TEX26: variants seen among roughly 807,000 people sequenced by gnomAD.
TEX26 encodes testis expressed 26, also known as testis-expressed protein 26.
Under a neutral mutation model 35.3 loss-of-function variants are expected in TEX26, and 34 were observed. The observed-to-expected ratio is 0.96, with a 90% confidence interval of 0.73 to 1.28. The LOEUF (loss-of-function observed/expected upper bound fraction) is 1.28, where lower values mean the gene tolerates loss of function less well. Ranked by LOEUF, TEX26 falls within the 50% of genes most tolerant of loss-of-function variation. TEX26 has a pLI of 0.00. For synonymous variants in TEX26, 136 were observed against 111.8 expected (o/e 1.22, Z -1.36); for missense variants, 371 against 330.1 (o/e 1.12, Z -0.96).
At chr13:30,951,219 GTGGTACATGCC>G (rs1190719946) in intron 2 of TEX26, among the ~76,000 whole-genome samples, 1 of 152,028 alleles carries the variant, frequency 6.6e-6, no homozygotes, top group East Asian at 1.9e-4. Flanking sequence ...GCTGGGCATG[GTGGTACATGCC>G]TGTAAGTCCT....
chr13:30,954,473 C>T (rs1347066753), intron 3 of TEX26, among the ~76,000 whole-genome samples: 1 of 150,466 alleles, frequency 6.6e-6, no homozygotes, highest in African/African-American at 2.4e-5. Context: ...AGATATATTA[C>T]AGACAAGATC....
At chr13:30,948,970 T>G (rs1953820604) in intron 2 of TEX26, among the ~76,000 whole-genome samples, 1 of 152,206 alleles carries the variant, frequency 6.6e-6, no homozygotes, top group African/African-American at 2.4e-5. Context: ...GCTAGCCAGT[T>G]TTCCCAGCAC....
intron 3 of TEX26, 72 bp from the exon 4 acceptor site, chr13:30,956,801 A>G: frequency 7.3e-7 from 1 of 1,363,238 alleles, no homozygotes; most frequent in Non-Finnish European, 1.0e-6. Flanking sequence ...ATGTGCACAC[A>G]GACACTCAGA....
In TEX26 at chr13:30,932,683, A is replaced by T; in HGVS notation, c.-33A>T. Reference sequence around the variant, plus strand: ...CTCCCGCAAGCGCTGAGATAGCTGGAGCCAGGGCCCCGCGGCCGCCTCCTG... The same window carrying T: ...CTCCCGCAAGCGCTGAGATAGCTGGTGCCAGGGCCCCGCGGCCGCCTCCTG... On this transcript the variant is annotated 5_prime_UTR_variant, in exon 1 of 7. Coordinates refer to ENST00000380473, the MANE Select transcript of TEX26 (RefSeq NM_152325.3). 6.2e-7 allele frequency: 1 copy of T among 1,606,886 alleles called. No homozygotes were observed. Among genetic ancestry groups the T allele is most frequent in the Non-Finnish European group, 8.5e-7 (1 of 1,177,398 alleles).
intron 6 of TEX26, among the ~76,000 whole-genome samples, chr13:30,972,503 C>T (rs1455942474): frequency 1.3e-5 from 2 of 152,084 alleles, no homozygotes; most frequent in East Asian, 3.8e-4. Flanking sequence ...ATAGACAATG[C>T]TTAAAATGCT....
intron 2 of TEX26, among the ~76,000 whole-genome samples, chr13:30,941,660 T>C (rs1299292258): frequency 2.0e-5 from 3 of 152,182 alleles, no homozygotes; most frequent in African/African-American, 7.2e-5. Context: ...CCCTCTCTGC[T>C]TCTGAGTCTC....
chr13:30,952,927 C>A, intron 3 of TEX26, 102 bp downstream of exon 3: 1 of 1,010,434 alleles, frequency 9.9e-7, no homozygotes, highest in Non-Finnish European at 1.5e-6. Flanking sequence ...TCAGCTTCTA[C>A]AGTCACAGGA....
intron 6 of TEX26, among the ~76,000 whole-genome samples, chr13:30,970,658 T>A (rs1407877022): frequency 6.6e-6 from 1 of 152,236 alleles, no homozygotes; most frequent in Non-Finnish European, 1.5e-5. Flanking sequence ...TGCTCCCATC[T>A]GCCCAGGGAC....
intron 3 of TEX26, 76 bp from the exon 4 acceptor site, chr13:30,956,795 GCA>G: frequency 2.3e-6 from 3 of 1,312,928 alleles, no homozygotes; most frequent in South Asian, 1.3e-5. Context: ...AAGAATATGT[GCA>G]CACAGACACT....
intron 6 of TEX26, among the ~76,000 whole-genome samples, chr13:30,974,043 C>T (rs1593622064): frequency 6.7e-6 from 1 of 148,644 alleles, no homozygotes; most frequent in Non-Finnish European, 1.5e-5. Flanking sequence ...ATTGCTTGAA[C>T]CTGGGAGGCA....
At chr13:30,954,811 A>G (rs1026093841) in intron 3 of TEX26, among the ~76,000 whole-genome samples, 1 of 152,124 alleles carries the variant, frequency 6.6e-6, no homozygotes, top group South Asian at 2.1e-4. Context: ...ATTATACTGT[A>G]TGTATACAAT....
intron 2 of TEX26, among the ~76,000 whole-genome samples, chr13:30,948,659 G>T (rs989476898): frequency 2.6e-5 from 4 of 152,050 alleles, no homozygotes; most frequent in Non-Finnish European, 4.4e-5. Context: ...CAGATGAGTA[G>T]GTTGCTAAAA....
chr13:30,942,170 T>A (rs1218889363), intron 2 of TEX26, among the ~76,000 whole-genome samples: 2 of 152,178 alleles, frequency 1.3e-5, no homozygotes, highest in African/African-American at 4.8e-5. Context: ...GTTGCCAGCA[T>A]CTATTGGTTT....
intron 4 of TEX26, among the ~76,000 whole-genome samples, chr13:30,958,430 G>A (rs945442845): frequency 6.6e-6 from 1 of 152,174 alleles, no homozygotes; most frequent in African/African-American, 2.4e-5. Context: ...TGACACAATG[G>A]CAGTTGGAGT....
At chr13:30,966,439 T>G (rs1478593419) in intron 5 of TEX26, 41 bp downstream of exon 5, 1 of 1,297,282 alleles carries the variant, frequency 7.7e-7, no homozygotes, top group Non-Finnish European at 1.0e-6. Flanking sequence ...TCTCTTTTTT[T>G]TTTTTTTTTT....
intron 3 of TEX26, among the ~76,000 whole-genome samples, chr13:30,954,653 T>C (rs911278104): frequency 1.3e-5 from 2 of 152,052 alleles, no homozygotes; most frequent in Non-Finnish European, 2.9e-5. Flanking sequence ...AGATAGAATC[T>C]CACTCTGTTT....
chr13:30,963,849 C>T (rs2138314301), intron 4 of TEX26, among the ~76,000 whole-genome samples: 1 of 152,234 alleles, frequency 6.6e-6, no homozygotes, highest in Admixed American at 6.5e-5. Flanking sequence ...AAGTCTAGGT[C>T]CTGGCTTTTG....
intron 2 of TEX26, among the ~76,000 whole-genome samples, chr13:30,952,409 T>A (rs937098256): frequency 1.8e-4 from 27 of 152,288 alleles, no homozygotes; most frequent in African/African-American, 6.5e-4. Context: ...TTAAAAAAAT[T>A]AATGAAATAA....
rs201919028 is a variant in TEX26, at chr13:30,947,603, GA to G, written c.147-5053del. 3.8e-3 allele frequency among the ~76,000 whole-genome samples: 578 copies of G among 152,136 alleles called. 5 individuals are homozygous for G. Among genetic ancestry groups the G allele is most frequent in the African/African-American group, 0.013 (540 of 41,518 alleles). Reference sequence around the variant, plus strand: ...CTGTCTCAGTTTCTGAGAATATATTGAAAAGGCATGTCTTAACAAATGACTA... The same window carrying G: ...CTGTCTCAGTTTCTGAGAATATATTGAAAGGCATGTCTTAACAAATGACTA... On this transcript the variant is annotated intron_variant, in intron 2 of 6. Coordinates refer to ENST00000380473, the MANE Select transcript of TEX26 (RefSeq NM_152325.3).
Sources: gnomAD v4.1 joint callset for allele counts (sites outside exome capture counted in the v4.1 genomes callset) on GRCh38, gnomAD v4.1.1 for gene constraint, MANE v1.5 for transcripts, NCBI Gene and HGNC (gene_info 2026-07-23, HGNC 2026-07-21) for gene names.